Variants in LRP1 observed in about 807,000 individuals in gnomAD.
The protein encoded by LRP1 is prolow-density lipoprotein receptor-related protein 1.
LRP1 carries 51 observed loss-of-function variants against 541.5 expected under a neutral mutation model. The ratio of observed to expected loss-of-function variants is 0.09; its 90% CI spans 0.08 to 0.12. The LOEUF (loss-of-function observed/expected upper bound fraction) is 0.12. Ranked by LOEUF, LRP1 falls within the 10% of genes least tolerant of loss-of-function variation. LRP1 has a pLI of 1.00. For missense variants in LRP1, 3,878 were observed against 6,376.2 expected (o/e 0.61, Z 13.34); for synonymous variants, 2,219 against 2,470.8 (o/e 0.90, Z 3.02).
rs371036165 is a variant in LRP1, at chr12:57,201,457, G to A, written c.10346-40G>A. On this transcript the variant is annotated intron_variant, in intron 65 of 88. Transcript: ENST00000243077. The surrounding 1 kb of genome is among the most constrained non-coding windows in gnomAD (Gnocchi z 6.4). ...ACAGTGATGGTGAACTGGAGTGGCA[G>A]GTGTAAGGGAGGGCCCTCATTCTCT... 6 of 1,575,038 alleles carry A rather than the reference G, an allele frequency of 3.8e-6. No homozygotes were observed. Among genetic ancestry groups the A allele is most frequent in the South Asian group, 2.3e-5 (2 of 85,534 alleles).
chr12:57,193,790 T>C, intron 47 of LRP1, 105 bp downstream of exon 47: 1 of 1,602,486 alleles, frequency 6.2e-7, no homozygotes, highest in South Asian at 1.1e-5. Flanking sequence ...TTCAAGGCAC[T>C]CTGTGACAGG....
chr12:57,173,371 G>A lies in LRP1; in HGVS notation c.3346+21G>A. 6.2e-7 allele frequency: 1 copy of A among 1,608,880 alleles called. No individual in the cohort carries two copies. ...CTCAGGTGAAGAGGATGGTTGGAGG[G>A]CGTCTGGAACAGCACAATGTGGGCA... On this transcript the variant is annotated intron_variant, in intron 21 of 88. Transcript: ENST00000243077. This position sits in a 1 kb window ranked among gnomAD's most constrained non-coding sequence, Gnocchi z 4.7.
intron 44 of LRP1, 123 bp from the exon 45 acceptor site, chr12:57,192,722 T>TGCC: frequency 7.3e-7 from 1 of 1,365,928 alleles, no homozygotes; most frequent in Non-Finnish European, 1.0e-6. Flanking sequence ...CAAGCCGCTG[T>TGCC]GCCTGCCGTG....
intron 19 of LRP1, 91 bp from the exon 20 acceptor site, chr12:57,169,048 TG>T: frequency 4.5e-6 from 5 of 1,098,926 alleles, no homozygotes; most frequent in Non-Finnish European, 6.6e-6. Flanking sequence ...GGGCTGAGGG[TG>T]GGTTCTGGGC....
chr12:57,171,980 G>A (rs1346284418), intron 20 of LRP1, among the ~76,000 whole-genome samples: 1 of 151,830 alleles, frequency 6.6e-6, no homozygotes, highest in Non-Finnish European at 1.5e-5. Flanking sequence ...GGCCTGCAGG[G>A]CCCCCACCCC....
At chr12:57,180,304 C>G (rs1211843700) in intron 31 of LRP1, 26 bp from the exon 32 acceptor site, 2 of 1,612,822 alleles carry the variant, frequency 1.2e-6, no homozygotes, top group South Asian at 2.2e-5. Context: ...GGCCAGACTC[C>G]CCGGCAGTGA....
At chr12:57,194,913 C>T in intron 50 of LRP1, 72 bp from the exon 51 acceptor site, 1 of 1,325,448 alleles carries the variant, frequency 7.5e-7, no homozygotes. Flanking sequence ...CCTGTCCTTC[C>T]CATGGCATCA....
At position 57,185,128 on chromosome 12, in the gene LRP1, C is replaced by A. The variant is rs767319988; in HGVS notation, c.6386C>A (p.Thr2129Lys). The A allele has an allele frequency of 2.7e-5, 44 of 1,614,066 alleles. No homozygotes were observed. In the East Asian group the frequency reaches 8.2e-4, roughly 30 times the overall value. The part of the protein sequence containing the change: ...SIKRGSKDNA[T>K]DSVPLRTGIG... ...AAGCGCGGGAGCAAAGACAATGCCA[C>A]AGACTCCGTGCCCCTGCGAACCGGC... Residue 2129 changes from threonine (T) to lysine (K), a missense_variant, in exon 40 of 89, where the codon ACA (threonine) becomes AAA (lysine). Coordinates refer to ENST00000243077, the MANE Select transcript of LRP1 (RefSeq NM_002332.3). This position sits in a 1 kb window ranked among gnomAD's most constrained non-coding sequence, Gnocchi z 4.9.
intron 33 of LRP1, 129 bp from the exon 34 acceptor site, chr12:57,181,028 G>GT: frequency 1.6e-6 from 2 of 1,277,402 alleles, no homozygotes; most frequent in Middle Eastern, 3.8e-4. Flanking sequence ...TGAGAGCTGG[G>GT]TAGGGTGGTG....
rs1234098385 is a variant in LRP1, at chr12:57,206,712, C to G, written c.11830C>G (p.Gln3944Glu). The change falls in exon 76 of 89, where the codon CAG becomes GAG. Residue 3944 changes from glutamine to glutamate, a missense_variant. This residue lies in a region of LRP1 where 871 missense variants were observed against 1,212.4 expected (regional missense o/e 0.72). Transcript: ENST00000243077. This position sits in a 1 kb window ranked among gnomAD's most constrained non-coding sequence, Gnocchi z 4.7. ...TACCACTTCCAACCGCCACCGGCGACAGATTGACCGGGGTGTCACCCACCT... is the reference window on the plus strand; with the variant it reads ...TACCACTTCCAACCGCCACCGGCGAGAGATTGACCGGGGTGTCACCCACCT... ...PPTTSNRHRR[Q>E]IDRGVTHLNI... 1 of 1,613,048 alleles carries G rather than the reference C, an allele frequency of 6.2e-7. No individual in the cohort carries two copies. Among genetic ancestry groups the G allele is most frequent in the Non-Finnish European group, 8.5e-7 (1 of 1,180,034 alleles).
Position 57,165,518 on chromosome 12 carries a change from C to T in LRP1, c.2531-287C>T, listed in dbSNP as rs1394259282. ...AGGGAAGGAGTGGGGAGAGCCTGTT[C>T]GGTGGTGACAGAGGTATAGAGGCCA... On this transcript the variant is annotated intron_variant, in intron 15 of 88. Transcript: ENST00000243077. The surrounding 1 kb of genome is among the most constrained non-coding windows in gnomAD (Gnocchi z 4.5). 7 of 296,352 alleles carry T rather than the reference C, an allele frequency of 2.4e-5. No individual in the cohort carries two copies. Among genetic ancestry groups the T allele is most frequent in the East Asian group, 6.7e-5 (1 of 14,998 alleles). The allele number at this position is 296,352 out of a possible 1,614,324, so 18.4% of individuals were successfully genotyped here. A position where few individuals can be genotyped will look rare whatever the true frequency, so the allele number is the denominator to read the frequency against.
In LRP1 at chr12:57,154,284, C is replaced by G; in HGVS notation, c.918C>G (p.Val306=). The G allele has an allele frequency of 6.2e-7, 1 of 1,614,232 alleles. No individual in the cohort carries two copies. The highest frequency in any genetic ancestry group is 1.1e-5 in the South Asian group (1 of 91,086). The stretch of plus-strand genomic sequence containing the variant: ...ATGACATCGATGATAGGATCTTTGT[C>G]TGCAACAGAAATGGGGACACATGTG... ...FVDDIDDRIF[V]CNRNGDTCVT... is the part of the protein sequence containing the mutation. Residue 306 remains valine, a synonymous_variant, in exon 7 of 89, where the codon GTC becomes GTG. Transcript: ENST00000243077. The surrounding 1 kb of genome is among the most constrained non-coding windows in gnomAD (Gnocchi z 4.6).
rs768348334 is a variant in LRP1, at chr12:57,184,370, G to A, written c.6104G>A (p.Arg2035Gln). 28 of 1,614,096 alleles carry A rather than the reference G, an allele frequency of 1.7e-5. No homozygotes were observed. The highest frequency in any genetic ancestry group is 1.6e-4 in the Middle Eastern group (1 of 6,084). Residue 2035 changes from arginine (R) to glutamine (Q), a missense_variant, in exon 38 of 89, where the codon CGG becomes CAG. Around this residue, in one of 13 missense-constraint regions of LRP1, gnomAD observed 1,100 missense variants for 1,827.4 expected, o/e 0.60. Transcript: ENST00000243077. The surrounding 1 kb of genome is among the most constrained non-coding windows in gnomAD (Gnocchi z 7.8). ...TGGGGTCAGTATCCGCGTATTGAGC[G>A]GTCTCGGCTAGATGGCACGGAGCGT... is the stretch of plus-strand genomic sequence containing the variant. Reference protein sequence around the residue: ...TEWGQYPRIERSRLDGTERVV... With the variant: ...TEWGQYPRIEQSRLDGTERVV...
rs375059965 is a variant in LRP1 at position 57,210,312 on chromosome 12, C to T, written c.12586C>T (p.Arg4196Trp). The part of the protein sequence containing the change: ...PSPTPPPDAP[R>W]PGTCNLQCFN... ...TTGACGGGCCCTTCCTGCAGCTCCC[C>T]GGCCTGGAACCTGTAACCTGCAGTG... The change falls in exon 82 of 89, where the codon CGG becomes TGG. Residue 4196 changes from arginine to tryptophan, a missense_variant. By Grantham distance (101) the Arg-to-Trp change is moderately radical (BLOSUM62 -3). Around this residue, in one of 13 missense-constraint regions of LRP1, gnomAD observed 871 missense variants for 1,212.4 expected, o/e 0.72. Coordinates refer to ENST00000243077, the MANE Select transcript of LRP1 (RefSeq NM_002332.3). The T allele has an allele frequency of 2.3e-5, 36 of 1,553,538 alleles. No homozygotes were observed. Among genetic ancestry groups the T allele is most frequent in the African/African-American group, 4.1e-5 (3 of 73,422 alleles).
chr12:57,211,682 G>T lies in LRP1; in HGVS notation c.13194-68G>T. On this transcript the variant is annotated intron_variant, in intron 85 of 88. Transcript: ENST00000243077. The surrounding 1 kb of genome is among the most constrained non-coding windows in gnomAD (Gnocchi z 4.3). The stretch of plus-strand genomic sequence containing the variant: ...CGTCAGGCCTCAGTGCCCACCCCCC[G>T]CCCTGTTTTCCTGGCAGCAGTGGCT... The T allele has an allele frequency of 6.3e-7, 1 of 1,584,064 alleles. No homozygotes were observed. Among genetic ancestry groups the T allele is most frequent in the Non-Finnish European group, 8.6e-7 (1 of 1,156,508 alleles).
At position 57,204,402 on chromosome 12, in the gene LRP1, G is replaced by A. The variant is rs369121483; in HGVS notation, c.10952-8G>A. 78 of 1,518,140 alleles carry A rather than the reference G, an allele frequency of 5.1e-5. No homozygotes were observed. The highest frequency in any genetic ancestry group is 6.7e-5 in the Non-Finnish European group (76 of 1,131,840). 94.0% of individuals were successfully genotyped at this position (1,518,140 alleles called of 1,614,324 possible). On this transcript the variant is annotated splice_polypyrimidine_tract_variant and splice_region_variant and intron_variant, in intron 70 of 88. Transcript: ENST00000243077. The surrounding 1 kb of genome is among the most constrained non-coding windows in gnomAD (Gnocchi z 5.3). ...CTCATTCTATCTCTTGGCTCCCCCT[G>A]GCACCAGTGCGGACCTGCCCCCTGG... is the stretch of plus-strand genomic sequence containing the variant.
At chr12:57,199,479 C>T (rs2036603281) in intron 61 of LRP1, 79 bp downstream of exon 61, 7 of 1,460,774 alleles carry the variant, frequency 4.8e-6, no homozygotes, top group African/African-American at 1.4e-5. Flanking sequence ...CATCCCTTCT[C>T]TAGCATTGAC....
chr12:57,194,422 A>G lies in LRP1; in HGVS notation c.7987A>G (p.Thr2663Ala). The G allele has an allele frequency of 6.5e-7, 1 of 1,531,420 alleles. No homozygotes were observed. The highest frequency in any genetic ancestry group is 8.8e-7 in the Non-Finnish European group (1 of 1,139,926). The allele number at this position is 1,531,420 out of a possible 1,614,324, so 94.9% of individuals were successfully genotyped here. A position where few individuals can be genotyped will look rare whatever the true frequency, so the allele number is the denominator to read the frequency against. Reference protein sequence around the residue: ...KGVLFQPCERTSLCYAPSWVC... With the variant: ...KGVLFQPCERASLCYAPSWVC... ...CGTGCTCTTCCAGCCCTGCGAGCGG[A>G]CCTCACTCTGCTACGCACCCAGCTG... The change falls in exon 49 of 89, where the codon ACC (threonine) becomes GCC (alanine). Residue 2663 changes from threonine (T) to alanine (A), a missense_variant. Thr to Ala is a moderately conservative substitution (Grantham distance 58). Transcript: ENST00000243077.
At position 57,205,178 on chromosome 12, in the gene LRP1, TCTC is replaced by T. The variant is rs772639221; in HGVS notation, c.11272_11274del (p.Ser3758del). On this transcript the variant is annotated inframe_deletion, in exon 73 of 89. Transcript: ENST00000243077. The surrounding 1 kb of genome is among the most constrained non-coding windows in gnomAD (Gnocchi z 4.6). Reference sequence around the variant, plus strand: ...TTTCTGTGCCGGAACCAGCGCTGCCTCTCCTCCTCCCTGCGCTGCAACATGTTC... The same window carrying T: ...TTTCTGTGCCGGAACCAGCGCTGCCTCTCCTCCCTGCGCTGCAACATGTTC... The T allele has an allele frequency of 6.8e-6, 11 of 1,613,708 alleles. No individual in the cohort carries two copies. Among genetic ancestry groups the T allele is most frequent in the African/African-American group, 1.3e-5 (1 of 74,866 alleles).
Sources: allele counts gnomAD v4.1 joint callset (sites outside exome capture counted in the v4.1 genomes callset), GRCh38; gene constraint gnomAD v4.1.1; regional missense constraint gnomAD v4.1.1; non-coding constraint Gnocchi (gnomAD v3.1); transcripts MANE v1.5; gene names NCBI Gene and HGNC (gene_info 2026-07-23, HGNC 2026-07-21).